The following CAMK1D variants were observed in gnomAD, a reference collection of about 807,000 sequenced individuals.
CAMK1D encodes calcium/calmodulin dependent protein kinase ID.
CAMK1D carries 9 observed loss-of-function variants against 47.7 expected under a neutral mutation model. That is an observed-to-expected ratio of 0.19 (90% confidence interval 0.11 to 0.33). The LOEUF is 0.33. Among genes scored for constraint, CAMK1D ranks in the 10% least tolerant of loss-of-function variants. The pLI, the probability that CAMK1D is intolerant of heterozygous loss-of-function variation, is 1.00. For missense variants in CAMK1D, 291 were observed against 488.7 expected, an observed-to-expected ratio of 0.60 and a Z score of 3.81; for synonymous variants, 184 against 184.9, an observed-to-expected ratio of 0.99 and a Z score of 0.04.
At chr10:12,702,067 C>T (rs1041779286) in intron 3 of CAMK1D, among the ~76,000 whole-genome samples, 3 of 152,186 alleles carry the variant, frequency 2.0e-5, no homozygotes, top group Non-Finnish European at 2.9e-5. Context: ...TGTGGCTCCC[C>T]GTTGGACGCA....
intron 1 of CAMK1D, among the ~76,000 whole-genome samples, chr10:12,486,343 A>G (rs1834215267): frequency 6.6e-6 from 1 of 152,070 alleles, no homozygotes; most frequent in East Asian, 1.9e-4. Context: ...TATTTTTAGT[A>G]GAGATGGGGT....
At chr10:12,458,862 C>T (rs935804971) in intron 1 of CAMK1D, among the ~76,000 whole-genome samples, 8 of 148,844 alleles carry the variant, frequency 5.4e-5, no homozygotes, top group Non-Finnish European at 8.9e-5. Flanking sequence ...CTTTCTCCTT[C>T]CTTCCTTCCT....
At chr10:12,636,812 C>G (rs1388248114) in intron 2 of CAMK1D, among the ~76,000 whole-genome samples, 1 of 152,142 alleles carries the variant, frequency 6.6e-6, no homozygotes, top group Non-Finnish European at 1.5e-5. Context: ...TGCCTTCTGT[C>G]AGTAACTGTT....
intron 3 of CAMK1D, among the ~76,000 whole-genome samples, chr10:12,748,447 T>G (rs1227666878): frequency 6.6e-6 from 1 of 152,126 alleles, no homozygotes; most frequent in Non-Finnish European, 1.5e-5. Flanking sequence ...CACTGGCGTG[T>G]GACTCAGAGT....
chr10:12,616,871 G>T (rs17152001), intron 2 of CAMK1D, among the ~76,000 whole-genome samples: 11,782 of 152,214 alleles, frequency 0.077, 550 homozygotes, highest in Admixed American at 0.16. Context: ...GGGAACCGAG[G>T]TGGTCTCTGT....
intron 2 of CAMK1D, among the ~76,000 whole-genome samples, chr10:12,659,681 G>A (rs1024768302): frequency 3.3e-5 from 5 of 152,084 alleles, no homozygotes; most frequent in African/African-American, 1.2e-4. Context: ...CGTTTACTTA[G>A]ATAAACGGGA....
chr10:12,411,979 A>G (rs924340382), intron 1 of CAMK1D, among the ~76,000 whole-genome samples: 1 of 152,218 alleles, frequency 6.6e-6, no homozygotes, highest in Non-Finnish European at 1.5e-5. Flanking sequence ...AAAGGATAGA[A>G]CATCCGCTGA....
chr10:12,548,700 A>C (rs980210884), intron 1 of CAMK1D, among the ~76,000 whole-genome samples: 11 of 152,016 alleles, frequency 7.2e-5, no homozygotes, highest in African/African-American at 2.7e-4. Flanking sequence ...CCTGGGCTCA[A>C]GCGATCCTCC....
chr10:12,769,464 C>T (rs146646705), intron 4 of CAMK1D, among the ~76,000 whole-genome samples: 5 of 152,252 alleles, frequency 3.3e-5, no homozygotes, highest in South Asian at 2.1e-4. Context: ...AAGAGACTAA[C>T]GTTGATTGAA....
intron 6 of CAMK1D, among the ~76,000 whole-genome samples, chr10:12,801,354 T>TATCTTATCTATCTATCTATC (rs57429397): frequency 0.011 from 706 of 66,252 alleles, 9 homozygotes; most frequent in East Asian, 0.019. Context: ...TCTATCTATC[T>TATCTTATCTATCTATCTATC]TATCTATCTA....
At chr10:12,749,679 C>T (rs1017759260) in intron 3 of CAMK1D, among the ~76,000 whole-genome samples, 1 of 152,076 alleles carries the variant, frequency 6.6e-6, no homozygotes, top group Non-Finnish European at 1.5e-5. Context: ...CTGCCTCAGC[C>T]TCCCAAGTAG....
At chr10:12,530,252 C>T (rs1835762189) in intron 1 of CAMK1D, among the ~76,000 whole-genome samples, 1 of 152,156 alleles carries the variant, frequency 6.6e-6, no homozygotes, top group South Asian at 2.1e-4. Flanking sequence ...AGGCTGCTTC[C>T]TTTAGGCTGC....
intron 1 of CAMK1D, among the ~76,000 whole-genome samples, chr10:12,398,594 C>A (rs1839055834): frequency 6.6e-6 from 1 of 152,124 alleles, no homozygotes. Flanking sequence ...GGTGATCCGC[C>A]CGCCTCGGCC....
intron 2 of CAMK1D, among the ~76,000 whole-genome samples, chr10:12,645,393 C>A (rs1212661268): frequency 1.3e-5 from 2 of 152,194 alleles, no homozygotes; most frequent in African/African-American, 4.8e-5. Flanking sequence ...TCATAAGCAA[C>A]AAAGTACAAA....
intron 1 of CAMK1D, among the ~76,000 whole-genome samples, chr10:12,501,361 C>G (rs1031015793): frequency 6.6e-6 from 1 of 152,200 alleles, no homozygotes; most frequent in Non-Finnish European, 1.5e-5. Context: ...AGTTTATCAT[C>G]TGGTGAGGGG....
intron 2 of CAMK1D, among the ~76,000 whole-genome samples, chr10:12,621,713 G>A (rs1839003059): frequency 6.6e-6 from 1 of 152,164 alleles, no homozygotes; most frequent in Non-Finnish European, 1.5e-5. Context: ...GTGTCCGTAT[G>A]TTCATTGCTA....
rs144480292 is a variant in CAMK1D, at chr10:12,752,055, C to T, written c.300-8893C>T. ...GGAGTGCAATGGCGCAATCTCGGCTCACCACAGTGGCCGCCTCCCAGGTTT... is the reference window on the plus strand; with the variant it reads ...GGAGTGCAATGGCGCAATCTCGGCTTACCACAGTGGCCGCCTCCCAGGTTT... On this transcript the variant is annotated intron_variant, in intron 3 of 10. Transcript: ENST00000619168. Among the ~76,000 whole-genome samples, 105 of 151,722 alleles carry T rather than the reference C, an allele frequency of 6.9e-4. No individual in the cohort carries two copies. In the East Asian group the frequency reaches 0.02, roughly 29 times the overall value.
chr10:12,700,832 A>C (rs1190324098), intron 3 of CAMK1D, among the ~76,000 whole-genome samples: 1 of 152,218 alleles, frequency 6.6e-6, no homozygotes, highest in Non-Finnish European at 1.5e-5. Flanking sequence ...ATTGATTTCT[A>C]AGTTTCAAAG....
At chr10:12,353,756 A>AG (rs1237835189) in intron 1 of CAMK1D, among the ~76,000 whole-genome samples, 2 of 152,166 alleles carry the variant, frequency 1.3e-5, no homozygotes, top group African/African-American at 4.8e-5. Context: ...TAAGGTGGTG[A>AG]GACTTAATTA....
Sources: allele counts gnomAD v4.1 joint callset (sites outside exome capture counted in the v4.1 genomes callset), GRCh38; gene constraint gnomAD v4.1.1; transcripts MANE v1.5; gene names NCBI Gene and HGNC (gene_info 2026-07-23, HGNC 2026-07-21).